SEMA3C: variants seen among roughly 807,000 people sequenced by gnomAD.
SEMA3C encodes semaphorin 3C.
In SEMA3C, 47 loss-of-function variants were observed where a neutral mutation model predicts 89.4. The ratio of observed to expected loss-of-function variants is 0.53; its 90% CI spans 0.42 to 0.67. The LOEUF is 0.67. Among genes scored for constraint, SEMA3C ranks in the 30% least tolerant of loss-of-function variants. SEMA3C has a pLI of 0.00. For synonymous variants in SEMA3C, 310 were observed against 320.2 expected, an observed-to-expected ratio of 0.97 and a Z score of 0.34; for missense variants, 839 against 929.1, an observed-to-expected ratio of 0.90 and a Z score of 1.26.
At chr7:80,821,085 A>C (rs942739753) in intron 4 of SEMA3C, among the ~76,000 whole-genome samples, 45 of 152,274 alleles carry the variant, frequency 3.0e-4, no homozygotes, top group African/African-American at 1.0e-3. Flanking sequence ...ACTAATATTT[A>C]TTTAGAGTTT....
At chr7:80,783,437 T>G (rs961304321) in intron 12 of SEMA3C, among the ~76,000 whole-genome samples, 1 of 152,210 alleles carries the variant, frequency 6.6e-6, no homozygotes, top group African/African-American at 2.4e-5. Context: ...TCTCAGAAGT[T>G]TCCACATTCT....
intron 16 of SEMA3C, 48 bp downstream of exon 16, chr7:80,751,221 G>C: frequency 1.4e-6 from 2 of 1,426,720 alleles, no homozygotes; most frequent in Non-Finnish European, 2.0e-6. Flanking sequence ...ATGTGATACG[G>C]AGCATTGCTA....
chr7:80,785,378 T>C (rs1788778206), intron 12 of SEMA3C, among the ~76,000 whole-genome samples: 1 of 152,160 alleles, frequency 6.6e-6, no homozygotes, highest in Non-Finnish European at 1.5e-5. Context: ...TTTTCCATGA[T>C]GATACAGAAG....
At chr7:80,754,989 G>A (rs1207427076) in intron 15 of SEMA3C, among the ~76,000 whole-genome samples, 2 of 7,424 alleles carry the variant, frequency 2.7e-4, no homozygotes, top group African/African-American at 3.0e-4. Flanking sequence ...TAGTAGAGAT[G>A]GGGTTTTGCC....
At chr7:80,859,512 A>C (rs1229215115) in intron 2 of SEMA3C, among the ~76,000 whole-genome samples, 1 of 152,190 alleles carries the variant, frequency 6.6e-6, no homozygotes, top group African/African-American at 2.4e-5. Context: ...AGCCTCTCTA[A>C]GTCAGGACAG....
At chr7:80,797,423 G>A (rs1169565362) in intron 11 of SEMA3C, among the ~76,000 whole-genome samples, 3 of 152,040 alleles carry the variant, frequency 2.0e-5, no homozygotes, top group Non-Finnish European at 4.4e-5. Context: ...AATATTGCAT[G>A]ATATGGATAT....
intron 2 of SEMA3C, among the ~76,000 whole-genome samples, chr7:80,872,940 A>G (rs551118069): frequency 0.014 from 2,164 of 151,264 alleles, 41 homozygotes; most frequent in African/African-American, 0.046. Flanking sequence ...AAAAAAAAAA[A>G]AAAGAAAGCC....
chr7:80,844,427 A>G (rs922079688), intron 2 of SEMA3C, among the ~76,000 whole-genome samples: 1 of 152,112 alleles, frequency 6.6e-6, no homozygotes, highest in African/African-American at 2.4e-5. Context: ...AGTGGTTCAG[A>G]GTGTGGGCCC....
At chr7:80,859,092 A>G (rs1790711372) in intron 2 of SEMA3C, among the ~76,000 whole-genome samples, 1 of 152,028 alleles carries the variant, frequency 6.6e-6, no homozygotes, top group African/African-American at 2.4e-5. Context: ...CTTAGTTCTT[A>G]GACCATAAAT....
chr7:80,903,085 T>A (rs1277383411), intron 2 of SEMA3C, among the ~76,000 whole-genome samples: 1 of 152,224 alleles, frequency 6.6e-6, no homozygotes, highest in Non-Finnish European at 1.5e-5. Flanking sequence ...TCATTCATTC[T>A]TTCACTTTCA....
intron 2 of SEMA3C, among the ~76,000 whole-genome samples, chr7:80,831,031 A>G (rs1233648164): frequency 6.6e-6 from 1 of 152,214 alleles, no homozygotes; most frequent in Non-Finnish European, 1.5e-5. Flanking sequence ...TATAACGCTT[A>G]CTTTTATCTC....
rs1245184556 is a variant in SEMA3C at position 80,827,405 on chromosome 7, T to TG, written c.327+19_327+20insC. The stretch of plus-strand genomic sequence containing the variant: ...ATTTAAGTTAGTGTTTTTTTTTTTT[T>TG]TTTTTTTTTTAACACTTACTGTGGG... On this transcript the variant is annotated intron_variant, in intron 4 of 17. Transcript: ENST00000265361. 9 of 1,496,876 alleles carry TG rather than the reference T, an allele frequency of 6.0e-6. No individual in the cohort carries two copies. Among genetic ancestry groups the TG allele is most frequent in the Middle Eastern group, 1.8e-4 (1 of 5,424 alleles). 92.7% of individuals were successfully genotyped at this position (1,496,876 alleles called of 1,614,324 possible).
intron 15 of SEMA3C, 132 bp downstream of exon 15, chr7:80,758,198 TG>T: frequency 1.1e-6 from 1 of 899,724 alleles, no homozygotes; most frequent in Non-Finnish European, 1.7e-6. Context: ...AGACTATGTG[TG>T]GTGTTAAACA....
chr7:80,763,170 G>A (rs1173258800), intron 13 of SEMA3C, among the ~76,000 whole-genome samples: 2 of 152,216 alleles, frequency 1.3e-5, no homozygotes, highest in Admixed American at 6.5e-5. Context: ...TAAAAGAAGA[G>A]ATTATGGTCC....
rs934295773 is a variant in SEMA3C, at chr7:80,870,333, A to T, written c.104-41588T>A. ...ATCATATTAACCATACTGACTTTTT[A>T]AAAAAGTCATCATTTATATTCAGCA... On this transcript the variant is annotated intron_variant, in intron 2 of 17. Coordinates refer to ENST00000265361, the MANE Select transcript of SEMA3C (RefSeq NM_006379.5). 6.8e-5 allele frequency among the ~76,000 whole-genome samples: 8 copies of T among 118,308 alleles called. No individual in the cohort carries two copies. The East Asian group carries it at 7.8e-4, about 12-fold the overall frequency. The allele number at this position is 118,308 out of a possible 152,430, so 77.6% of individuals were successfully genotyped here. A position where few individuals can be genotyped will look rare whatever the true frequency, so the allele number is the denominator to read the frequency against.
intron 11 of SEMA3C, among the ~76,000 whole-genome samples, chr7:80,789,903 T>A (rs2115586772): frequency 6.6e-6 from 1 of 152,316 alleles, no homozygotes; most frequent in East Asian, 1.9e-4. Context: ...CTTGTTAAAA[T>A]AAATTATATT....
chr7:80,922,384 A>G (rs1274783406), upstream of SEMA3C: 3 of 976,538 alleles, frequency 3.1e-6, no homozygotes, highest in Non-Finnish European at 2.8e-6. Flanking sequence ...TCAACTTCCA[A>G]TGGTTACTTA....
At chr7:80,771,403 T>C (rs1403813788) in intron 12 of SEMA3C, among the ~76,000 whole-genome samples, 1 of 152,230 alleles carries the variant, frequency 6.6e-6, no homozygotes, top group African/African-American at 2.4e-5. Context: ...TCAATCCATA[T>C]GAGATATTTT....
chr7:80,788,917 T>G (rs1788867458), intron 12 of SEMA3C, among the ~76,000 whole-genome samples: 1 of 152,184 alleles, frequency 6.6e-6, no homozygotes. Context: ...ACTTAATCAT[T>G]GCTTTTTTCT....
Sources: allele counts gnomAD v4.1 joint callset (sites outside exome capture counted in the v4.1 genomes callset), GRCh38; gene constraint gnomAD v4.1.1; transcripts MANE v1.5; gene names NCBI Gene and HGNC (gene_info 2026-07-23, HGNC 2026-07-21).